The following SLC24A3 variants were observed in gnomAD, a reference collection of about 807,000 sequenced individuals.
The protein encoded by SLC24A3 is sodium/potassium/calcium exchanger 3.
Under a neutral mutation model 75.8 loss-of-function variants are expected in SLC24A3, and 28 were observed. The ratio of observed to expected loss-of-function variants is 0.37; its 90% CI spans 0.27 to 0.51. The LOEUF is 0.51. SLC24A3 is among the 20% of genes least tolerant of loss of function. The pLI is 0.94. For missense variants in SLC24A3, 663 were observed against 847.8 expected (o/e 0.78, Z 2.71); for synonymous variants, 372 against 334.1 (o/e 1.11, Z -1.24).
rs1475052454 is a variant in SLC24A3 at position 19,486,381 on chromosome 20, A to G, written c.272-29107A>G. ...TAACAGTGGTTGAATGAAGAAATGAAAGCCTTTGCCAAAACTCCTAGAACA... is the reference window on the plus strand; with the variant it reads ...TAACAGTGGTTGAATGAAGAAATGAGAGCCTTTGCCAAAACTCCTAGAACA... On this transcript the variant is annotated intron_variant, in intron 2 of 16. Coordinates refer to ENST00000328041, the MANE Select transcript of SLC24A3 (RefSeq NM_020689.4). Among the ~76,000 whole-genome samples the G allele has an allele frequency of 2.6e-5, 4 of 152,306 alleles. No homozygotes were observed. The East Asian group carries it at 7.7e-4, about 29-fold the overall frequency.
chr20:19,214,809 G>A (rs926958162), intron 1 of SLC24A3, among the ~76,000 whole-genome samples: 15 of 152,064 alleles, frequency 9.9e-5, no homozygotes, highest in African/African-American at 1.9e-4. Flanking sequence ...GGCCTTTTCC[G>A]CATCCCTCCC....
At chr20:19,587,261 C>T (rs1442590077) in intron 6 of SLC24A3, among the ~76,000 whole-genome samples, 1 of 152,246 alleles carries the variant, frequency 6.6e-6, no homozygotes, top group Non-Finnish European at 1.5e-5. Context: ...TGGGGAGCAT[C>T]TAGTCAGTGC....
At chr20:19,401,958 C>G (rs562962542) in intron 2 of SLC24A3, among the ~76,000 whole-genome samples, 1 of 152,162 alleles carries the variant, frequency 6.6e-6, no homozygotes. Context: ...ATTTCTCTAC[C>G]TCCTACTGGT....
chr20:19,337,465 TA>T (rs1568593271), intron 2 of SLC24A3, among the ~76,000 whole-genome samples: 10 of 133,966 alleles, frequency 7.5e-5, no homozygotes, highest in African/African-American at 2.8e-4. Context: ...AATAAATAAA[TA>T]AATAAATTAA....
chr20:19,517,736 A>G (rs1370289262), intron 3 of SLC24A3, among the ~76,000 whole-genome samples: 1 of 152,220 alleles, frequency 6.6e-6, no homozygotes. Flanking sequence ...CCAAATAGCC[A>G]TGAGCCTGCT....
chr20:19,522,534 C>T (rs1056254129), intron 3 of SLC24A3, among the ~76,000 whole-genome samples: 9 of 152,332 alleles, frequency 5.9e-5, no homozygotes, highest in African/African-American at 9.6e-5. Flanking sequence ...AAAGTGGGAA[C>T]GCATGGTAGG....
chr20:19,649,834 T>G (rs2032180607), intron 6 of SLC24A3, among the ~76,000 whole-genome samples: 1 of 152,222 alleles, frequency 6.6e-6, no homozygotes, highest in Non-Finnish European at 1.5e-5. Flanking sequence ...TCTTTCCCAC[T>G]GCTGGTATTA....
At chr20:19,318,744 G>T (rs756561240) in intron 2 of SLC24A3, among the ~76,000 whole-genome samples, 1 of 152,086 alleles carries the variant, frequency 6.6e-6, no homozygotes, top group African/African-American at 2.4e-5. Context: ...ACAAGGACAC[G>T]TGGGATGCTC....
chr20:19,688,463 C>A (rs1352393396), intron 12 of SLC24A3, among the ~76,000 whole-genome samples: 1 of 152,238 alleles, frequency 6.6e-6, no homozygotes, highest in African/African-American at 2.4e-5. Context: ...GGCAAGGGGA[C>A]TGAATGTCCA....
At chr20:19,245,027 A>G (rs1261493030) in intron 1 of SLC24A3, among the ~76,000 whole-genome samples, 2 of 152,218 alleles carry the variant, frequency 1.3e-5, no homozygotes, top group Non-Finnish European at 2.9e-5. Flanking sequence ...TGACCCTGCC[A>G]TGAAAGAGGA....
chr20:19,228,412 G>A (rs1981926946), intron 1 of SLC24A3, among the ~76,000 whole-genome samples: 1 of 152,160 alleles, frequency 6.6e-6, no homozygotes, highest in Non-Finnish European at 1.5e-5. Flanking sequence ...GGCTGAGGTG[G>A]GCGGATCACG....
chr20:19,403,454 A>G (rs1230832073), intron 2 of SLC24A3, among the ~76,000 whole-genome samples: 1 of 152,192 alleles, frequency 6.6e-6, no homozygotes, highest in Non-Finnish European at 1.5e-5. Flanking sequence ...CATGTGGTGA[A>G]CAAACAGACC....
At chr20:19,331,968 C>A (rs1985009922) in intron 2 of SLC24A3, among the ~76,000 whole-genome samples, 1 of 152,078 alleles carries the variant, frequency 6.6e-6, no homozygotes, top group Non-Finnish European at 1.5e-5. Flanking sequence ...AAGAACATTC[C>A]AGGCAGAGGG....
chr20:19,508,308 A>G (rs4813361), intron 2 of SLC24A3, among the ~76,000 whole-genome samples: 35,240 of 151,998 alleles, frequency 0.23, 4,403 homozygotes, highest in East Asian at 0.49. Context: ...CTCAAGTTGC[A>G]TGGGTATTTT....
At chr20:19,222,179 C>T (rs542247158) in intron 1 of SLC24A3, among the ~76,000 whole-genome samples, 1 of 152,054 alleles carries the variant, frequency 6.6e-6, no homozygotes, top group Non-Finnish European at 1.5e-5. Context: ...CATCCTGTTC[C>T]GCTTCAGTGG....
chr20:19,447,407 G>T (rs545275117), intron 2 of SLC24A3, among the ~76,000 whole-genome samples: 10 of 152,062 alleles, frequency 6.6e-5, no homozygotes, highest in African/African-American at 2.4e-4. Flanking sequence ...TGGCTAGTCC[G>T]TCTACTGGAA....
At chr20:19,651,612 C>A (rs2032204393) in intron 6 of SLC24A3, among the ~76,000 whole-genome samples, 1 of 151,974 alleles carries the variant, frequency 6.6e-6, no homozygotes, top group South Asian at 2.1e-4. Flanking sequence ...GTAATCCCAG[C>A]ACTTTGGGAG....
intron 2 of SLC24A3, among the ~76,000 whole-genome samples, chr20:19,435,269 C>T (rs1278279397): frequency 6.6e-6 from 1 of 152,208 alleles, no homozygotes; most frequent in Non-Finnish European, 1.5e-5. Flanking sequence ...AGCATAACAG[C>T]ACCTACTCCA....
intron 2 of SLC24A3, among the ~76,000 whole-genome samples, chr20:19,450,239 CT>C (rs1987457205): frequency 6.6e-6 from 1 of 152,218 alleles, no homozygotes; most frequent in South Asian, 2.1e-4. Flanking sequence ...GTAAACTGGA[CT>C]TGCTTCCAAC....
Sources: allele counts gnomAD v4.1 joint callset (sites outside exome capture counted in the v4.1 genomes callset), GRCh38; gene constraint gnomAD v4.1.1; transcripts MANE v1.5; gene names NCBI Gene and HGNC (gene_info 2026-07-23, HGNC 2026-07-21).